NUP62CL: variants seen among roughly 807,000 people sequenced by gnomAD.
The protein encoded by NUP62CL is nucleoporin 62 C-terminal like.
Under a neutral mutation model 15.3 loss-of-function variants are expected in NUP62CL, and 13 were observed. The observed-to-expected ratio is 0.85, with a 90% CI of 0.55 to 1.35. The LOEUF (loss-of-function observed/expected upper bound fraction) is 1.35. Ranked by LOEUF, NUP62CL falls within the 40% of genes most tolerant of loss-of-function variation. The pLI, the probability that NUP62CL is intolerant of heterozygous loss-of-function variation, is 0.00. For missense variants in NUP62CL, 123 were observed against 130.6 expected (o/e 0.94, Z 0.28); for synonymous variants, 54 against 49.2 (o/e 1.10, Z -0.41).
intron 1 of NUP62CL, among the ~76,000 whole-genome samples, chrX:107,194,453 AG>A (rs1927313376): frequency 8.9e-6 from 1 of 112,048 alleles, no homozygotes; most frequent in South Asian, 3.7e-4. Flanking sequence ...AAAAGTGTTA[AG>A]GGAAAAGTCA....
intron 3 of NUP62CL, among the ~76,000 whole-genome samples, chrX:107,170,806 T>G (rs538199907): frequency 4.4e-4 from 50 of 112,376 alleles, no homozygotes; most frequent in Non-Finnish European, 7.1e-4. Flanking sequence ...ATATTTCAAT[T>G]AATACCAAAT....
intron 4 of NUP62CL, among the ~76,000 whole-genome samples, chrX:107,155,576 A>G (rs1039341332): frequency 1.8e-5 from 2 of 112,133 alleles, no homozygotes; most frequent in East Asian, 5.6e-4. Context: ...GCAGCGTGGT[A>G]AGTGCTCCAC....
At chrX:107,160,411 T>C (rs1165808488) in intron 4 of NUP62CL, among the ~76,000 whole-genome samples, 1 of 105,961 alleles carries the variant, frequency 9.4e-6, no homozygotes, top group Admixed American at 1.0e-4. Flanking sequence ...CAAAACAGCA[T>C]GGTACTGGTA....
In NUP62CL at chrX:107,167,782, T is replaced by C; in HGVS notation, c.61A>G (p.Thr21Ala). 1 of 1,189,760 alleles carries C rather than the reference T, an allele frequency of 8.4e-7. No homozygotes were observed. The highest frequency in any genetic ancestry group is 1.8e-5 in the South Asian group (1 of 55,342). ...TSTAAIGLSF[T>A]TSTTTTATFT... is the part of the protein sequence containing the mutation. ...GTGGCGGTGGTAGTCGTTGAAGTTG[T>C]AACTGGAAAATAAAGTGTATAATGT... The change falls in exon 4 of 9, where the codon ACA becomes GCA. Residue 21 changes from threonine to alanine, a missense_variant and splice_region_variant. Coordinates refer to ENST00000372466, the MANE Select transcript of NUP62CL (RefSeq NM_017681.3).
chrX:107,142,276 C>T (rs1457184256), intron 8 of NUP62CL, among the ~76,000 whole-genome samples: 1 of 110,908 alleles, frequency 9.0e-6, no homozygotes, highest in African/African-American at 3.3e-5. Context: ...TGAGAGACAA[C>T]TAAGAATGTT....
chrX:107,192,894 GGA>G (rs1382121530), intron 2 of NUP62CL, 133 bp downstream of exon 2: 1 of 111,841 alleles, frequency 8.9e-6, no homozygotes, highest in African/African-American at 3.3e-5. Flanking sequence ...ATAAGCCAGT[GGA>G]AGATGAAGAT....
intron 8 of NUP62CL, among the ~76,000 whole-genome samples, chrX:107,142,981 G>A (rs1397986263): frequency 8.9e-6 from 1 of 111,793 alleles, no homozygotes; most frequent in East Asian, 2.8e-4. Context: ...CATAGTTAAT[G>A]TTAAACAAAG....
chrX:107,194,937 C>A (rs1927330390), intron 1 of NUP62CL, among the ~76,000 whole-genome samples: 1 of 106,035 alleles, frequency 9.4e-6, no homozygotes, highest in Admixed American at 1.0e-4. Flanking sequence ...CCGCCTCAGT[C>A]TCCTGAGTAG....
intron 2 of NUP62CL, among the ~76,000 whole-genome samples, chrX:107,179,722 C>T (rs1414459412): frequency 2.7e-5 from 3 of 111,855 alleles, no homozygotes; most frequent in African/African-American, 9.7e-5. Context: ...GTTTCTTTTC[C>T]TTTGTATAGA....
chrX:107,179,979 T>TG (rs11388308), intron 2 of NUP62CL, among the ~76,000 whole-genome samples: 40,889 of 111,037 alleles, frequency 0.37, 8,113 homozygotes, highest in African/African-American at 0.77. Flanking sequence ...TTTTTCTCTC[T>TG]GTCTATGTCT....
At chrX:107,149,972 C>CT (rs892964755) in intron 7 of NUP62CL, among the ~76,000 whole-genome samples, 3 of 111,935 alleles carry the variant, frequency 2.7e-5, no homozygotes, top group Non-Finnish European at 5.6e-5. Context: ...TTCACAGCAC[C>CT]TTAACTCTAA....
intron 4 of NUP62CL, among the ~76,000 whole-genome samples, chrX:107,167,232 T>C (rs1463288657): frequency 1.8e-5 from 2 of 112,084 alleles, no homozygotes; most frequent in African/African-American, 6.5e-5. Context: ...GCTCAACCAT[T>C]AACAAGTATG....
At chrX:107,204,498 G>A (rs1409991177) in intron 1 of NUP62CL, among the ~76,000 whole-genome samples, 1 of 110,333 alleles carries the variant, frequency 9.1e-6, no homozygotes, top group Non-Finnish European at 1.9e-5. Context: ...ATGAAACCTT[G>A]AAGAGTTGAT....
At chrX:107,170,167 A>G (rs1926614390) in intron 3 of NUP62CL, among the ~76,000 whole-genome samples, 1 of 110,981 alleles carries the variant, frequency 9.0e-6, no homozygotes, top group Admixed American at 9.6e-5. Context: ...AAAAAAAAAA[A>G]AGATGTGTAC....
chrX:107,198,618 C>T (rs1195494362), intron 1 of NUP62CL, among the ~76,000 whole-genome samples: 1 of 110,774 alleles, frequency 9.0e-6, no homozygotes, highest in African/African-American at 3.3e-5. Context: ...ACACTCACCG[C>T]GGAGGTTCAC....
chrX:107,187,861 A>G (rs1273838336), intron 2 of NUP62CL, among the ~76,000 whole-genome samples: 1 of 112,889 alleles, frequency 8.9e-6, no homozygotes, highest in Non-Finnish European at 1.9e-5. Flanking sequence ...AATAATTTAG[A>G]AGAAATGGAC....
intron 1 of NUP62CL, among the ~76,000 whole-genome samples, chrX:107,205,945 G>T (rs1201115741): frequency 1.8e-5 from 2 of 110,433 alleles, no homozygotes; most frequent in South Asian, 7.9e-4. Context: ...CTCCCCCGGG[G>T]ACTTGGGGCC....
Position 107,147,769 on chromosome X carries a change from G to A in NUP62CL, c.*16C>T, listed in dbSNP as rs1171059797. The A allele has an allele frequency of 1.7e-6, 2 of 1,190,227 alleles. No individual in the cohort carries two copies. The highest frequency in any genetic ancestry group is 2.3e-6 in the Non-Finnish European group (2 of 876,780). ...TGAATTCCGATCAATCCACTGCAGG[G>A]AGTCCATATGGGCATTCAGAATTCT... On this transcript the variant is annotated 3_prime_UTR_variant, in exon 8 of 9. Transcript: ENST00000372466.
chrX:107,150,690 G>C (rs1925988812), intron 7 of NUP62CL, among the ~76,000 whole-genome samples: 1 of 111,928 alleles, frequency 8.9e-6, no homozygotes, highest in African/African-American at 3.2e-5. Context: ...ATAGAGACAG[G>C]GTCTCACTAT....
Sources: allele counts gnomAD v4.1 joint callset (sites outside exome capture counted in the v4.1 genomes callset), GRCh38; gene constraint gnomAD v4.1.1; transcripts MANE v1.5; gene names NCBI Gene and HGNC (gene_info 2026-07-23, HGNC 2026-07-21).